Variants in FZR1 observed in about 807,000 individuals in gnomAD.
FZR1 encodes the protein fizzy-related protein homolog.
In FZR1, 11 loss-of-function variants were observed where a neutral mutation model predicts 63.6. The ratio of observed to expected loss-of-function variants is 0.17; its 90% CI spans 0.11 to 0.29. FZR1 has a LOEUF of 0.29. Among genes scored for constraint, FZR1 ranks in the 10% least tolerant of loss-of-function variants. The probability of loss-of-function intolerance (pLI) is 1.00; values close to 1 mark genes in which losing one functional copy is unlikely to be tolerated. For synonymous variants in FZR1, 328 were observed against 297.9 expected (o/e 1.10, Z -1.04); for missense variants, 440 against 687.5 (o/e 0.64, Z 4.03).
At chr19:3,508,684 G>T (rs1450814487) in intron 1 of FZR1, among the ~76,000 whole-genome samples, 2 of 152,210 alleles carry the variant, frequency 1.3e-5, no homozygotes. Context: ...ACTCCAGGCA[G>T]AGGTGAAGAT....
In FZR1 at chr19:3,532,581, A is replaced by G; in HGVS notation, c.1173A>G (p.Gln391=). Residue 391 remains glutamine, a synonymous_variant, in exon 11 of 14, where the codon CAA becomes CAG. Coordinates refer to ENST00000441788, the MANE Select transcript of FZR1 (RefSeq NM_016263.4). ...GCTTCTGGAACACGCTGACAGGACA[A>G]CCACTGCAGTGTATCGACACGGGCT... ...CIRFWNTLTG[Q]PLQCIDTGSQ... is the part of the protein sequence containing the mutation. The G allele has an allele frequency of 6.2e-7, 1 of 1,612,744 alleles. No individual in the cohort carries two copies. Among genetic ancestry groups the G allele is most frequent in the Non-Finnish European group, 8.5e-7 (1 of 1,179,838 alleles).
intron 13 of FZR1, 28 bp downstream of exon 13, chr19:3,534,541 C>T (rs373752412): frequency 1.4e-4 from 199 of 1,419,482 alleles, no homozygotes; most frequent in Non-Finnish European, 1.7e-4. Context: ...CAGCGCCACT[C>T]GCCCCCGCCC....
At chr19:3,534,656 C>T (rs1013102253) in intron 13 of FZR1, 139 bp from the exon 14 acceptor site, 38 of 914,488 alleles carry the variant, frequency 4.2e-5, no homozygotes, top group Admixed American at 7.9e-5. Context: ...GGTCATGTGT[C>T]GGGGCAGTGT....
rs1568229983 is a variant in FZR1 at position 3,514,772 on chromosome 19, T to C, written c.-34-8184T>C. ...TGAGCAGGGGCCGACTCCATTTTTT[T>C]CCACATATTTATCCCAGGGCGTCTC... On this transcript the variant is annotated intron_variant, in intron 1 of 13. Coordinates refer to ENST00000441788, the MANE Select transcript of FZR1 (RefSeq NM_016263.4). The surrounding 1 kb of genome is among the most constrained non-coding windows in gnomAD (Gnocchi z 4.2). Among the ~76,000 whole-genome samples, 1 of 152,176 alleles carries C rather than the reference T, an allele frequency of 6.6e-6. No individual in the cohort carries two copies. Among genetic ancestry groups the C allele is most frequent in the African/African-American group, 2.4e-5 (1 of 41,424 alleles).
At chr19:3,511,743 C>A (rs1315146078) in intron 1 of FZR1, among the ~76,000 whole-genome samples, 1 of 152,134 alleles carries the variant, frequency 6.6e-6, no homozygotes, top group Non-Finnish European at 1.5e-5. Context: ...GGCCCAGGCA[C>A]CGGCCTCCAA....
chr19:3,517,115 C>T (rs993021194), intron 1 of FZR1, among the ~76,000 whole-genome samples: 2 of 152,216 alleles, frequency 1.3e-5, no homozygotes, highest in Non-Finnish European at 2.9e-5. Flanking sequence ...GCCAGCTGGG[C>T]GCGGTGGCTC....
intron 1 of FZR1, among the ~76,000 whole-genome samples, chr19:3,513,437 G>A (rs898510390): frequency 4.6e-5 from 7 of 152,214 alleles, no homozygotes; most frequent in African/African-American, 1.2e-4. Flanking sequence ...AGTGGGCACA[G>A]AGCCAGACCC....
rs1005943190 is a variant in FZR1 at position 3,536,791 on chromosome 19, G to T, written c.*1955G>T. On this transcript the variant is annotated 3_prime_UTR_variant, in exon 14 of 14. Transcript: ENST00000441788. ...GGCTGGCTCTAGGTCCCCGGCTCGGGTGGGGTCACACGGTCCTGCCCTAGA... is the reference window on the plus strand; with the variant it reads ...GGCTGGCTCTAGGTCCCCGGCTCGGTTGGGGTCACACGGTCCTGCCCTAGA... The T allele has an allele frequency of 2.6e-5, 4 of 152,268 alleles. No individual in the cohort carries two copies. The highest frequency in any genetic ancestry group is 9.6e-5 in the African/African-American group (4 of 41,458). The allele number at this position is 152,268 out of a possible 1,614,324, so 9.4% of individuals were successfully genotyped here. A position where few individuals can be genotyped will look rare whatever the true frequency, so the allele number is the denominator to read the frequency against.
chr19:3,510,287 A>T (rs2083015472), intron 1 of FZR1, among the ~76,000 whole-genome samples: 1 of 151,976 alleles, frequency 6.6e-6, no homozygotes, highest in African/African-American at 2.4e-5. Flanking sequence ...CAGGCGCGCC[A>T]CCATACCTGG....
rs776991642 is a variant in FZR1 at position 3,526,937 on chromosome 19, C to CG, written c.388-41dup. 4.2e-6 allele frequency: 6 copies of CG among 1,417,878 alleles called. No individual in the cohort carries two copies. Among genetic ancestry groups the CG allele is most frequent in the Non-Finnish European group, 6.0e-6 (6 of 1,007,710 alleles). 87.8% of individuals were successfully genotyped at this position (1,417,878 alleles called of 1,614,324 possible). ...CTGCTGGGGGGCTCTGAGGGTCCTG[C>CG]GGCCTGGGCGTGCGCTCAGCTGGCA... On this transcript the variant is annotated intron_variant, in intron 5 of 13. Transcript: ENST00000441788. This position sits in a 1 kb window ranked among gnomAD's most constrained non-coding sequence, Gnocchi z 5.4.
chr19:3,507,588 C>T (rs1039871910), intron 1 of FZR1, among the ~76,000 whole-genome samples: 3 of 152,174 alleles, frequency 2.0e-5, no homozygotes, highest in Non-Finnish European at 4.4e-5. Flanking sequence ...TGGTGAGGCC[C>T]CCACCCCAAC....
At chr19:3,511,938 T>C (rs369170956) in intron 1 of FZR1, among the ~76,000 whole-genome samples, 22 of 152,338 alleles carry the variant, frequency 1.4e-4, no homozygotes, top group East Asian at 5.8e-4. Flanking sequence ...CAGAGATCTC[T>C]GTGCCTCAGT....
rs753657705 is a variant in FZR1, at chr19:3,536,211, G to A, written c.*1375G>A. 6.6e-6 allele frequency: 1 copy of A among 152,276 alleles called. No individual in the cohort carries two copies. Among genetic ancestry groups the A allele is most frequent in the Non-Finnish European group, 1.5e-5 (1 of 68,092 alleles). The allele number at this position is 152,276 out of a possible 1,614,324, so 9.4% of individuals were successfully genotyped here. A position where few individuals can be genotyped will look rare whatever the true frequency, so the allele number is the denominator to read the frequency against. On this transcript the variant is annotated 3_prime_UTR_variant, in exon 14 of 14. Coordinates refer to ENST00000441788, the MANE Select transcript of FZR1 (RefSeq NM_016263.4). Reference sequence around the variant, plus strand: ...TTCTTTGGATTTGTTTTGTGTTTTTGTTGACTAGTCCTGGAAATGTTTGAG... The same window carrying A: ...TTCTTTGGATTTGTTTTGTGTTTTTATTGACTAGTCCTGGAAATGTTTGAG...
rs1390126596 is a variant in FZR1, at chr19:3,533,702, C to T, written c.1347+304C>T. On this transcript the variant is annotated intron_variant, in intron 12 of 13. Transcript: ENST00000441788. This position sits in a 1 kb window ranked among gnomAD's most constrained non-coding sequence, Gnocchi z 4.9. ...GAGGAAAGCCAAAACCAACTCACAG[C>T]TGACCACTCAGATGACCCTGTGAAC... is the stretch of plus-strand genomic sequence containing the variant. 8 of 370,468 alleles carry T rather than the reference C, an allele frequency of 2.2e-5. No homozygotes were observed. In the East Asian group the frequency reaches 3.9e-4, roughly 18 times the overall value. 22.9% of individuals were successfully genotyped at this position (370,468 alleles called of 1,614,324 possible). A position where few individuals can be genotyped will look rare whatever the true frequency, so the allele number is the denominator to read the frequency against.
Position 3,534,865 on chromosome 19 carries a change from G to A in FZR1, c.*29G>A, listed in dbSNP as rs763540142. ...TGCCGGGCAGGACCGTGCCACACCA[G>A]CTGTCCAGAGTCGGAGGACCCCAGC... On this transcript the variant is annotated 3_prime_UTR_variant, in exon 14 of 14. Coordinates refer to ENST00000441788, the MANE Select transcript of FZR1 (RefSeq NM_016263.4). The A allele has an allele frequency of 6.3e-7, 1 of 1,591,238 alleles. No individual in the cohort carries two copies.
At chr19:3,518,361 G>A (rs555989688) in intron 1 of FZR1, among the ~76,000 whole-genome samples, 15 of 152,224 alleles carry the variant, frequency 9.9e-5, no homozygotes, top group African/African-American at 3.4e-4. Context: ...GCTGTACCTG[G>A]CAGCTAAGTT....
At chr19:3,534,398 G>A (rs1349275800) in intron 12 of FZR1, 23 bp from the exon 13 acceptor site, 3 of 1,371,566 alleles carry the variant, frequency 2.2e-6, no homozygotes, top group South Asian at 1.2e-5. Context: ...CAGAGACATG[G>A]GGTGCTTCCC....
In FZR1 at chr19:3,529,777, C is replaced by T. The variant is rs1424354052; in HGVS notation, c.655-1015C>T. ...ATGGGAGCGCATGGGTGAGCGGATGCGAGAGTGGATGAGAGTGGTTGAGGG... is the reference window on the plus strand; with the variant it reads ...ATGGGAGCGCATGGGTGAGCGGATGTGAGAGTGGATGAGAGTGGTTGAGGG... On this transcript the variant is annotated intron_variant, in intron 7 of 13. Coordinates refer to ENST00000441788, the MANE Select transcript of FZR1 (RefSeq NM_016263.4). Among the ~76,000 whole-genome samples, 2 of 31,868 alleles carry T rather than the reference C, an allele frequency of 6.3e-5. 1 individual carries two copies. Among genetic ancestry groups the T allele is most frequent in the African/African-American group, 2.8e-4 (2 of 7,188 alleles). The allele number at this position is 31,868 out of a possible 152,430, so 20.9% of individuals were successfully genotyped here.
Position 3,525,772 on chromosome 19 carries a change from C to G in FZR1, c.70-96C>G, listed in dbSNP as rs1415013457. 20 of 1,461,862 alleles carry G rather than the reference C, an allele frequency of 1.4e-5. No homozygotes were observed. The highest frequency in any genetic ancestry group is 1.6e-5 in the Non-Finnish European group (17 of 1,078,000). 90.6% of individuals were successfully genotyped at this position (1,461,862 alleles called of 1,614,324 possible). ...CTTGGGTTTTCAAGATCAAAGCCCC[C>G]TTTGCTCAGTGGCCAGAGGCTGAGA... On this transcript the variant is annotated intron_variant, in intron 2 of 13. Transcript: ENST00000441788. This position sits in a 1 kb window ranked among gnomAD's most constrained non-coding sequence, Gnocchi z 4.2.
Sources: gnomAD v4.1 joint callset for allele counts (sites outside exome capture counted in the v4.1 genomes callset) on GRCh38, gnomAD v4.1.1 for gene constraint, Gnocchi (gnomAD v3.1) non-coding constraint, MANE v1.5 for transcripts, NCBI Gene and HGNC (gene_info 2026-07-23, HGNC 2026-07-21) for gene names.